Variants in PTPRD observed in about 807,000 individuals in gnomAD.
PTPRD encodes receptor-type tyrosine-protein phosphatase delta.
Under a neutral mutation model 214.5 loss-of-function variants are expected in PTPRD, and 34 were observed. The observed-to-expected ratio is 0.16, with a 90% CI of 0.12 to 0.21. PTPRD has a LOEUF of 0.21. Among genes scored for constraint, PTPRD ranks in the 10% least tolerant of loss-of-function variants. The pLI, the probability that PTPRD is intolerant of heterozygous loss-of-function variation, is 1.00. For missense variants in PTPRD, 2,545 were observed against 2,398.7 expected, an observed-to-expected ratio of 1.06 and a Z score of -1.27; for synonymous variants, 1,128 against 845.7, an observed-to-expected ratio of 1.33 and a Z score of -5.79.
At chr9:9,904,108 A>T (rs1027928149) in intron 5 of PTPRD, among the ~76,000 whole-genome samples, 1 of 152,010 alleles carries the variant, frequency 6.6e-6, no homozygotes, top group Non-Finnish European at 1.5e-5. Context: ...TCATCATCTC[A>T]CTTCTCTCTC....
intron 10 of PTPRD, among the ~76,000 whole-genome samples, chr9:9,084,060 C>G (rs144824143): frequency 7.9e-4 from 121 of 152,242 alleles, no homozygotes; most frequent in African/African-American, 2.4e-3. Flanking sequence ...TGGGTATATA[C>G]CCAAAGGATT....
At chr9:9,350,503 AT>A (rs2050694682) in intron 9 of PTPRD, among the ~76,000 whole-genome samples, 1 of 152,032 alleles carries the variant, frequency 6.6e-6, no homozygotes. Context: ...ATTTTAAATT[AT>A]TTGCATCCCC....
chr9:10,433,557 T>C (rs1204055022), intron 2 of PTPRD, among the ~76,000 whole-genome samples: 3 of 152,016 alleles, frequency 2.0e-5, no homozygotes, highest in African/African-American at 7.2e-5. Context: ...TTATGTCATC[T>C]GTCTAATAAT....
At chr9:10,412,014 A>G (rs1190382929) in intron 2 of PTPRD, among the ~76,000 whole-genome samples, 2 of 151,806 alleles carry the variant, frequency 1.3e-5, no homozygotes, top group African/African-American at 2.4e-5. Context: ...TGCAACTATA[A>G]AAATGAATTT....
intron 9 of PTPRD, among the ~76,000 whole-genome samples, chr9:9,256,029 C>G (rs1216874151): frequency 6.6e-6 from 1 of 152,014 alleles, no homozygotes; most frequent in Non-Finnish European, 1.5e-5. Context: ...AAAAGCATAA[C>G]TTTATTGAAC....
intron 10 of PTPRD, among the ~76,000 whole-genome samples, chr9:9,045,963 C>T (rs1043407460): frequency 4.6e-5 from 7 of 152,128 alleles, no homozygotes; most frequent in Non-Finnish European, 4.4e-5. Flanking sequence ...TCAGCTGCCT[C>T]GGTTCTGCAC....
chr9:8,649,257 G>A (rs981809107), intron 12 of PTPRD, among the ~76,000 whole-genome samples: 3 of 152,216 alleles, frequency 2.0e-5, no homozygotes, highest in Admixed American at 1.3e-4. Flanking sequence ...ACAAAGAGAA[G>A]ATCTGCTGGT....
intron 5 of PTPRD, among the ~76,000 whole-genome samples, chr9:9,875,916 T>C (rs1022277237): frequency 6.6e-6 from 1 of 152,010 alleles, no homozygotes; most frequent in African/African-American, 2.4e-5. Context: ...TTTTCTCTAG[T>C]GAATGGAAGC....
chr9:8,481,270 G>C (rs4742510), intron 30 of PTPRD, among the ~76,000 whole-genome samples: 3 of 150,124 alleles, frequency 2.0e-5, no homozygotes, highest in Non-Finnish European at 4.4e-5. Context: ...TAATCTTTCA[G>C]AAATTCTTTT....
chr9:10,116,412 G>A (rs1023249543), intron 3 of PTPRD, among the ~76,000 whole-genome samples: 1 of 152,000 alleles, frequency 6.6e-6, no homozygotes, highest in African/African-American at 2.4e-5. Flanking sequence ...ATCTGTTTTG[G>A]TCACTAAAAG....
chr9:9,947,915 G>A (rs921844742), intron 4 of PTPRD, among the ~76,000 whole-genome samples: 5 of 151,528 alleles, frequency 3.3e-5, no homozygotes, highest in Admixed American at 2.0e-4. Context: ...CAGCCTTATA[G>A]GGAGCAGATC....
Position 10,126,910 on chromosome 9 carries a change from C to T in PTPRD, c.-544-93120G>A, listed in dbSNP as rs191898625. On this transcript the variant is annotated intron_variant, in intron 3 of 45. Coordinates refer to ENST00000381196, the MANE Select transcript of PTPRD (RefSeq NM_002839.4). Reference sequence around the variant, plus strand: ...TAGATAGAAATTGCCATGTAACCAGCTCCCAGAATGCCTTAGACTCTGAGT... The same window carrying T: ...TAGATAGAAATTGCCATGTAACCAGTTCCCAGAATGCCTTAGACTCTGAGT... Among the ~76,000 whole-genome samples, 637 of 150,140 alleles carry T rather than the reference C, an allele frequency of 4.2e-3. 4 individuals carry two copies. The highest frequency in any genetic ancestry group is 0.015 in the African/African-American group (613 of 40,328).
At chr9:9,250,907 C>T (rs1241818304) in intron 9 of PTPRD, among the ~76,000 whole-genome samples, 1 of 152,048 alleles carries the variant, frequency 6.6e-6, no homozygotes, top group Non-Finnish European at 1.5e-5. Context: ...ATCCTTGGAT[C>T]ACACATAGAT....
Position 9,796,403 on chromosome 9 carries a change from C to T in PTPRD, c.-367-29552G>A, listed in dbSNP as rs554551607. ...GCTGTCTGAGGAATCAATGAAATTA[C>T]GGGAAGAAATATCCGGGAGGAGGTT... is the stretch of plus-strand genomic sequence containing the variant. On this transcript the variant is annotated intron_variant, in intron 5 of 45. Coordinates refer to ENST00000381196, the MANE Select transcript of PTPRD (RefSeq NM_002839.4). 1.6e-4 allele frequency among the ~76,000 whole-genome samples: 24 copies of T among 152,086 alleles called. 1 individual carries two copies. Among genetic ancestry groups the T allele is most frequent in the African/African-American group, 4.6e-4 (19 of 41,470 alleles).
At chr9:8,353,576 G>A (rs532398498) in intron 39 of PTPRD, among the ~76,000 whole-genome samples, 2 of 152,012 alleles carry the variant, frequency 1.3e-5, no homozygotes, top group African/African-American at 4.8e-5. Context: ...GGGATTACTG[G>A]CACACGCCAC....
chr9:9,800,118 T>A (rs1357505981), intron 5 of PTPRD, among the ~76,000 whole-genome samples: 1 of 152,140 alleles, frequency 6.6e-6, no homozygotes, highest in African/African-American at 2.4e-5. Context: ...GTGAAATACA[T>A]TTTGGAAGTC....
intron 9 of PTPRD, among the ~76,000 whole-genome samples, chr9:9,368,820 T>C (rs12001788): frequency 0.036 from 5,504 of 152,072 alleles, 312 homozygotes; most frequent in African/African-American, 0.12. Context: ...GCAGGTTACA[T>C]GTGTACACAT....
intron 5 of PTPRD, chr9:9,799,543 G>A (rs1485870121): frequency 6.6e-6 from 1 of 152,188 alleles, no homozygotes. Context: ...CTTGGGGGCA[G>A]ATAAGGAAGA....
intron 4 of PTPRD, among the ~76,000 whole-genome samples, chr9:9,999,151 C>T (rs1297269184): frequency 6.6e-6 from 1 of 152,176 alleles, no homozygotes; most frequent in Non-Finnish European, 1.5e-5. Flanking sequence ...TTAGTGAAAA[C>T]TCTCACTTCT....
Sources: gnomAD v4.1 joint callset for allele counts (sites outside exome capture counted in the v4.1 genomes callset) on GRCh38, gnomAD v4.1.1 for gene constraint, MANE v1.5 for transcripts, NCBI Gene and HGNC (gene_info 2026-07-23, HGNC 2026-07-21) for gene names.